DSCAM: variants seen among roughly 807,000 people sequenced by gnomAD.
DSCAM encodes the protein DS cell adhesion molecule.
DSCAM carries 47 observed loss-of-function variants against 217.7 expected under a neutral mutation model. The ratio of observed to expected loss-of-function variants is 0.22; its 90% CI spans 0.17 to 0.28. The LOEUF is 0.28. DSCAM is among the 10% of genes least tolerant of loss of function. The pLI, the probability that DSCAM is intolerant of heterozygous loss-of-function variation, is 1.00. For synonymous variants in DSCAM, 1,056 were observed against 1,015.3 expected, an observed-to-expected ratio of 1.04 and a Z score of -0.76; for missense variants, 2,080 against 2,618.3, an observed-to-expected ratio of 0.79 and a Z score of 4.49.
chr21:40,297,094 G>A (rs2073963628), intron 9 of DSCAM, among the ~76,000 whole-genome samples: 1 of 152,062 alleles, frequency 6.6e-6, no homozygotes, highest in African/African-American at 2.4e-5. Flanking sequence ...TGGGCCAAAG[G>A]GGGACTGTGG....
intron 3 of DSCAM, among the ~76,000 whole-genome samples, chr21:40,594,451 G>A (rs2077006567): frequency 6.6e-6 from 1 of 151,902 alleles, no homozygotes; most frequent in Non-Finnish European, 1.5e-5. Context: ...CAAGATACTT[G>A]TATTCTTTGA....
chr21:40,780,423 G>GTGTGTGTGTGTATA (rs1007015659), intron 1 of DSCAM, among the ~76,000 whole-genome samples: 5 of 56,418 alleles, frequency 8.9e-5, no homozygotes, highest in African/African-American at 3.8e-4. Flanking sequence ...GTGTGTGTGT[G>GTGTGTGTGTGTATA]TATATATATA....
chr21:40,338,036 C>G, intron 8 of DSCAM, 65 bp downstream of exon 8: 2 of 1,573,766 alleles, frequency 1.3e-6, no homozygotes, highest in Non-Finnish European at 1.7e-6. Flanking sequence ...GACTTCAAAT[C>G]ATTGGTCTGG....
intron 10 of DSCAM, among the ~76,000 whole-genome samples, chr21:40,280,184 T>TTC (rs965006396): frequency 4.7e-5 from 7 of 148,130 alleles, no homozygotes; most frequent in Admixed American, 4.7e-4. Flanking sequence ...TTGGTGCCTT[T>TTC]TTTTTTTTTT....
chr21:40,503,001 A>C (rs920163324), intron 3 of DSCAM, among the ~76,000 whole-genome samples: 1 of 152,204 alleles, frequency 6.6e-6, no homozygotes, highest in Non-Finnish European at 1.5e-5. Context: ...GCAGGTTAAG[A>C]ACGTCTCATT....
chr21:40,540,687 C>G (rs1004109425), intron 3 of DSCAM, among the ~76,000 whole-genome samples: 1 of 152,156 alleles, frequency 6.6e-6, no homozygotes, highest in Non-Finnish European at 1.5e-5. Flanking sequence ...GGTCCCGCAT[C>G]TCCTTTGCTT....
At chr21:40,717,979 T>C (rs1422496471) in intron 1 of DSCAM, among the ~76,000 whole-genome samples, 1 of 152,002 alleles carries the variant, frequency 6.6e-6, no homozygotes, top group Non-Finnish European at 1.5e-5. Context: ...CAGCTGGGCA[T>C]TGGTGGTGAG....
chr21:40,708,823 A>G, intron 1 of DSCAM, 52 bp from the exon 2 acceptor site: 1 of 1,295,698 alleles, frequency 7.7e-7, no homozygotes, highest in Non-Finnish European at 1.0e-6. Context: ...TGCCTTTGAC[A>G]TTTGCAGTTC....
intron 11 of DSCAM, among the ~76,000 whole-genome samples, chr21:40,247,696 T>A (rs1008752118): frequency 6.6e-6 from 1 of 152,194 alleles, no homozygotes; most frequent in African/African-American, 2.4e-5. Flanking sequence ...GTGACTTTTG[T>A]AGGCACATGA....
intron 8 of DSCAM, among the ~76,000 whole-genome samples, chr21:40,336,623 C>T (rs576263187): frequency 6.6e-6 from 1 of 152,250 alleles, no homozygotes; most frequent in Admixed American, 6.5e-5. Context: ...TTTAAGATGA[C>T]AGAGTACAGA....
At chr21:40,712,432 C>T (rs888837727) in intron 1 of DSCAM, among the ~76,000 whole-genome samples, 1 of 137,812 alleles carries the variant, frequency 7.3e-6, no homozygotes. Context: ...CACTGCAGTC[C>T]GCAGTCCGAC....
intron 6 of DSCAM, among the ~76,000 whole-genome samples, chr21:40,343,429 A>T (rs929797561): frequency 6.6e-6 from 1 of 152,178 alleles, no homozygotes. Flanking sequence ...ATTGTTCAGG[A>T]TGCCACTCAT....
At chr21:40,318,336 TA>T (rs71330392) in intron 8 of DSCAM, among the ~76,000 whole-genome samples, 84,781 of 145,372 alleles carry the variant, frequency 0.58, 24,626 homozygotes, top group African/African-American at 0.69. Context: ...AAAGTATAAT[TA>T]AAAAAAAAAA....
At chr21:40,392,403 T>C (rs1164554505) in intron 3 of DSCAM, among the ~76,000 whole-genome samples, 6 of 152,160 alleles carry the variant, frequency 3.9e-5, no homozygotes, top group African/African-American at 1.2e-4. Flanking sequence ...CTTCCTAAAA[T>C]GATATGTATT....
intron 1 of DSCAM, among the ~76,000 whole-genome samples, chr21:40,717,783 A>T (rs1002258064): frequency 2.6e-5 from 4 of 152,258 alleles, no homozygotes; most frequent in African/African-American, 9.6e-5. Context: ...CTTTAAGTGG[A>T]TTCTTTTTAT....
chr21:40,449,706 T>C (rs1189954507), intron 3 of DSCAM, among the ~76,000 whole-genome samples: 2 of 152,192 alleles, frequency 1.3e-5, no homozygotes, highest in East Asian at 1.9e-4. Flanking sequence ...CATGAAAACA[T>C]TGAGCCAAGG....
chr21:40,534,339 T>G (rs905527564), intron 3 of DSCAM, among the ~76,000 whole-genome samples: 1 of 152,214 alleles, frequency 6.6e-6, no homozygotes, highest in African/African-American at 2.4e-5. Flanking sequence ...TCAAGTAGTT[T>G]CCACAGGGAA....
chr21:40,124,419 T>C (rs2090072046), intron 19 of DSCAM, 91 bp from the exon 20 acceptor site: 1 of 1,526,414 alleles, frequency 6.6e-7, no homozygotes, highest in Non-Finnish European at 8.9e-7. Context: ...CCGCACTTAC[T>C]GTTCAGCTCT....
At chr21:40,454,144 A>T (rs530981423) in intron 3 of DSCAM, among the ~76,000 whole-genome samples, 2 of 152,308 alleles carry the variant, frequency 1.3e-5, no homozygotes, top group African/African-American at 4.8e-5. Flanking sequence ...AATCAGGGCA[A>T]TTTTCTCTTT....
Sources: gnomAD v4.1 joint callset for allele counts (sites outside exome capture counted in the v4.1 genomes callset) on GRCh38, gnomAD v4.1.1 for gene constraint, MANE v1.5 for transcripts, NCBI Gene and HGNC (gene_info 2026-07-23, HGNC 2026-07-21) for gene names.